Variants in NTNG1 observed in about 807,000 individuals in gnomAD.
NTNG1 encodes the protein netrin G1.
Under a neutral mutation model 54.0 loss-of-function variants are expected in NTNG1, and 16 were observed. The observed-to-expected ratio is 0.30, with a 90% confidence interval of 0.20 to 0.45. The LOEUF is 0.45. Ranked by LOEUF, NTNG1 falls within the 20% of genes least tolerant of loss-of-function variation. The pLI is 1.00. For missense variants in NTNG1, 530 were observed against 678.7 expected (o/e 0.78, Z 2.43); for synonymous variants, 255 against 263.1 (o/e 0.97, Z 0.30).
intron 2 of NTNG1, among the ~76,000 whole-genome samples, chr1:107,239,330 C>A (rs936773624): frequency 9.9e-5 from 15 of 152,176 alleles, no homozygotes; most frequent in African/African-American, 3.4e-4. Flanking sequence ...ATAGCAAGAC[C>A]CAGATCAAAG....
chr1:107,172,438 A>C (rs1043317744), intron 2 of NTNG1, among the ~76,000 whole-genome samples: 3 of 152,164 alleles, frequency 2.0e-5, no homozygotes, highest in Non-Finnish European at 4.4e-5. Context: ...CACTTTTCAA[A>C]TGCGGAAGGT....
intron 2 of NTNG1, among the ~76,000 whole-genome samples, chr1:107,150,962 T>C (rs61800176): frequency 0.11 from 17,220 of 152,218 alleles, 1,263 homozygotes; most frequent in South Asian, 0.16. Context: ...ATACTATGTA[T>C]GTTCACATGA....
chr1:107,221,690 C>A (rs967910165), intron 2 of NTNG1, among the ~76,000 whole-genome samples: 68 of 152,194 alleles, frequency 4.5e-4, no homozygotes, highest in African/African-American at 1.6e-3. Flanking sequence ...CAGCACAGTA[C>A]TTGGGCCGTG....
At chr1:107,196,823 G>A (rs1353845225) in intron 2 of NTNG1, among the ~76,000 whole-genome samples, 1 of 151,842 alleles carries the variant, frequency 6.6e-6, no homozygotes, top group Non-Finnish European at 1.5e-5. Context: ...TTCTAATTAT[G>A]GATGATCTGT....
chr1:107,180,070 T>A lies in NTNG1; in HGVS notation c.246+31231T>A, dbSNP rs1213683880. 2.0e-5 allele frequency among the ~76,000 whole-genome samples: 3 copies of A among 152,198 alleles called. No individual in the cohort carries two copies. The East Asian group carries it at 5.8e-4, about 29-fold the overall frequency. On this transcript the variant is annotated intron_variant, in intron 2 of 7. Transcript: ENST00000370068. ...CATACCAGAGAGTGTCTTAGATTTT[T>A]CTGTCTGAAGATAGGAACCTGGATT...
chr1:107,377,485 A>G (rs916822738), intron 3 of NTNG1, among the ~76,000 whole-genome samples: 7 of 152,194 alleles, frequency 4.6e-5, no homozygotes, highest in African/African-American at 1.2e-4. Flanking sequence ...CCAGGAGAAA[A>G]ACAATGGCTC....
chr1:107,215,771 C>A (rs1438311488), intron 2 of NTNG1, among the ~76,000 whole-genome samples: 2 of 151,722 alleles, frequency 1.3e-5, no homozygotes, highest in Non-Finnish European at 2.9e-5. Flanking sequence ...CATCGATAAG[C>A]ATGGAATATG....
intron 3 of NTNG1, among the ~76,000 whole-genome samples, chr1:107,375,294 G>T (rs2101007356): frequency 6.6e-6 from 1 of 152,282 alleles, no homozygotes; most frequent in East Asian, 1.9e-4. Context: ...TCTACACTCT[G>T]GCAAGCTAAG....
At chr1:107,471,428 C>T (rs926443648) in intron 7 of NTNG1, among the ~76,000 whole-genome samples, 2 of 152,076 alleles carry the variant, frequency 1.3e-5, no homozygotes, top group Admixed American at 6.5e-5. Context: ...TGTTTGCATC[C>T]GTACCTCCCC....
chr1:107,244,993 G>A (rs1038174180), intron 2 of NTNG1, among the ~76,000 whole-genome samples: 2 of 152,148 alleles, frequency 1.3e-5, no homozygotes, highest in Non-Finnish European at 2.9e-5. Flanking sequence ...ATAGCCAGGT[G>A]AGCAGTAAAT....
chr1:107,379,120 G>A (rs1671487391), intron 3 of NTNG1, among the ~76,000 whole-genome samples: 1 of 152,130 alleles, frequency 6.6e-6, no homozygotes, highest in South Asian at 2.1e-4. Flanking sequence ...CACACACTCT[G>A]CATTTGATAT....
intron 4 of NTNG1, among the ~76,000 whole-genome samples, chr1:107,406,418 G>A (rs1044364465): frequency 1.3e-5 from 2 of 152,128 alleles, no homozygotes; most frequent in South Asian, 4.1e-4. Flanking sequence ...CCATGTGTCA[G>A]ACATTTTTAT....
chr1:107,388,515 T>C (rs1028581328), intron 3 of NTNG1, among the ~76,000 whole-genome samples: 7 of 152,224 alleles, frequency 4.6e-5, no homozygotes, highest in African/African-American at 1.7e-4. Flanking sequence ...TCATCTGTAA[T>C]CATTAGTGCA....
chr1:107,348,085 GT>G (rs76119268), intron 3 of NTNG1, among the ~76,000 whole-genome samples: 13,806 of 147,380 alleles, frequency 0.094, 742 homozygotes, highest in East Asian at 0.16. Flanking sequence ...TTGGTACCCA[GT>G]TTTTTTGTTT....
At chr1:107,212,749 C>T (rs1416462767) in intron 2 of NTNG1, among the ~76,000 whole-genome samples, 1 of 152,066 alleles carries the variant, frequency 6.6e-6, no homozygotes, top group Non-Finnish European at 1.5e-5. Context: ...TACTTGTCTG[C>T]CTCCAGTTTT....
chr1:107,151,992 G>A (rs1007249038), intron 2 of NTNG1, among the ~76,000 whole-genome samples: 8 of 150,718 alleles, frequency 5.3e-5, no homozygotes, highest in Non-Finnish European at 1.0e-4. Flanking sequence ...ATATATATAT[G>A]CACACACATA....
At chr1:107,363,382 T>G (rs1670404613) in intron 3 of NTNG1, among the ~76,000 whole-genome samples, 1 of 152,120 alleles carries the variant, frequency 6.6e-6, no homozygotes, top group Non-Finnish European at 1.5e-5. Context: ...ATGAGGAAAC[T>G]GGGGGGTCAT....
intron 2 of NTNG1, among the ~76,000 whole-genome samples, chr1:107,211,354 T>C (rs1349512552): frequency 6.6e-6 from 1 of 152,130 alleles, no homozygotes; most frequent in African/African-American, 2.4e-5. Flanking sequence ...CATACATATG[T>C]AATATATAAT....
intron 3 of NTNG1, among the ~76,000 whole-genome samples, chr1:107,348,133 T>TATA (rs998914564): frequency 4.0e-5 from 6 of 151,756 alleles, no homozygotes; most frequent in Admixed American, 3.3e-4. Context: ...TTATTATTAT[T>TATA]ATTATTATTT....
Sources: gnomAD v4.1 joint callset for allele counts (sites outside exome capture counted in the v4.1 genomes callset) on GRCh38, gnomAD v4.1.1 for gene constraint, MANE v1.5 for transcripts, NCBI Gene and HGNC (gene_info 2026-07-23, HGNC 2026-07-21) for gene names.